GREB1: variants seen among roughly 807,000 people sequenced by gnomAD.
The protein encoded by GREB1 is growth regulating estrogen receptor binding 1.
A neutral mutation model predicts 200.7 loss-of-function variants in GREB1; 106 were observed. The ratio of observed to expected loss-of-function variants is 0.53; its 90% confidence interval spans 0.45 to 0.62. GREB1 has a LOEUF of 0.62. GREB1 is among the 20% of genes least tolerant of loss of function. The pLI is 0.00. For synonymous variants in GREB1, 1,132 were observed against 1,092.4 expected, an observed-to-expected ratio of 1.04 and a Z score of -0.72; for missense variants, 2,243 against 2,556.8, an observed-to-expected ratio of 0.88 and a Z score of 2.65.
chr2:11,607,260 AT>A (rs1327478508), intron 17 of GREB1, among the ~76,000 whole-genome samples: 3 of 148,462 alleles, frequency 2.0e-5, no homozygotes, highest in Non-Finnish European at 4.5e-5. Context: ...ATTTTTAAAA[AT>A]TTTTCTTGCT....
chr2:11,511,299 G>A (rs1037232590), intron 1 of GREB1, among the ~76,000 whole-genome samples: 25 of 152,168 alleles, frequency 1.6e-4, no homozygotes, highest in Non-Finnish European at 5.9e-5. Context: ...TATGGCTGGA[G>A]AGCTGGGGCC....
chr2:11,626,870 C>A, intron 24 of GREB1, 92 bp from the exon 25 acceptor site: 1 of 1,316,064 alleles, frequency 7.6e-7, no homozygotes, highest in Non-Finnish European at 1.1e-6. Flanking sequence ...GTTGTCTGGT[C>A]ATTTGAGCAT....
In GREB1 at chr2:11,566,568, C is replaced by G. The variant is rs146087617; in HGVS notation, c.366C>G (p.Val122=). 1.5e-4 allele frequency: 242 copies of G among 1,614,130 alleles called. No homozygotes were observed. The East Asian group carries it at 5.1e-3, about 34-fold the overall frequency. ...DVPAGFLLVG[V]KSPSLPDHLL... The stretch of plus-strand genomic sequence containing the variant: ...CTGCGGGCTTTCTCCTCGTGGGGGT[C>G]AAGTCCCCCAGCCTGCCGGACCATC... The change falls in exon 4 of 33, where the codon GTC becomes GTG. Residue 122 remains valine (V), a synonymous_variant. Transcript: ENST00000381486.
rs59611075 is a variant in GREB1, at chr2:11,513,685, T to TA, written c.-159+31315dup. ...TAATTGATGGTTTTCGGTCTTGCTT[T>TA]AAAAAAAAAAAGAACTGTGGCTTCC... is the stretch of plus-strand genomic sequence containing the variant. On this transcript the variant is annotated intron_variant, in intron 1 of 2. Transcript: ENST00000628795. 2.8e-3 allele frequency among the ~76,000 whole-genome samples: 417 copies of TA among 147,350 alleles called. 1 individual carries two copies. Among genetic ancestry groups the TA allele is most frequent in the African/African-American group, 9.6e-3 (391 of 40,574 alleles).
At chr2:11,516,311 G>GGTGTGTGTGTGTGT (rs60141733) in intron 1 of GREB1, among the ~76,000 whole-genome samples, 110 of 143,958 alleles carry the variant, frequency 7.6e-4, no homozygotes, top group African/African-American at 2.6e-3. Flanking sequence ...TTTTCCTGCA[G>GGTGTGTGTGTGTGT]GTGTGTGTGT....
intron 1 of GREB1, among the ~76,000 whole-genome samples, chr2:11,486,699 C>G (rs1405358288): frequency 6.6e-6 from 1 of 151,990 alleles, no homozygotes. Flanking sequence ...GAAACCCCGT[C>G]TCTACTGAAA....
At position 11,592,934 on chromosome 2, in the gene GREB1, C is replaced by T; in HGVS notation, c.1504C>T (p.Pro502Ser). The T allele has an allele frequency of 6.3e-7, 1 of 1,585,084 alleles. No homozygotes were observed. Among genetic ancestry groups the T allele is most frequent in the South Asian group, 1.1e-5 (1 of 88,080 alleles). The change falls in exon 11 of 33, where the codon CCC becomes TCC. Residue 502 changes from proline (P) to serine (S), a missense_variant. By Grantham distance (74) the Pro-to-Ser change is moderately conservative. Coordinates refer to ENST00000381486, the MANE Select transcript of GREB1 (RefSeq NM_014668.4). ...AAAPVTSAQL[P>S]WLASLAASSC... is the part of the protein sequence containing the mutation. ...GGCACCCGTGACCTCCGCGCAGCTG[C>T]CCTGGCTGGCCAGCCTGGCCGCCAG...
chr2:11,586,183 C>T (rs574214997), intron 9 of GREB1, among the ~76,000 whole-genome samples: 3 of 152,212 alleles, frequency 2.0e-5, no homozygotes, highest in Non-Finnish European at 4.4e-5. Flanking sequence ...TTCACTCATT[C>T]TTTCCTTCGT....
chr2:11,590,916 A>T (rs947042703), intron 10 of GREB1, among the ~76,000 whole-genome samples: 1 of 152,096 alleles, frequency 6.6e-6, no homozygotes, highest in African/African-American at 2.4e-5. Context: ...TGTGGCCGGG[A>T]GTTGAGTGGA....
intron 17 of GREB1, among the ~76,000 whole-genome samples, chr2:11,607,503 T>C (rs992966215): frequency 7.2e-6 from 1 of 138,818 alleles, no homozygotes; most frequent in Non-Finnish European, 1.5e-5. Flanking sequence ...CACATATATA[T>C]ACATATATGT....
At position 11,595,133 on chromosome 2, in the gene GREB1, G is replaced by A. The variant is rs1345977379; in HGVS notation, c.1697-118G>A. On this transcript the variant is annotated intron_variant, in intron 11 of 32. Coordinates refer to ENST00000381486, the MANE Select transcript of GREB1 (RefSeq NM_014668.4). Reference sequence around the variant, plus strand: ...GCCTGGGAGGTAGATCCAGCTGTTAGCCACAGATTCCAGATGGGAAATGTC... The same window carrying A: ...GCCTGGGAGGTAGATCCAGCTGTTAACCACAGATTCCAGATGGGAAATGTC... 3 of 894,886 alleles carry A rather than the reference G, an allele frequency of 3.4e-6. No individual in the cohort carries two copies. The Middle Eastern group carries it at 6.9e-4, about 206-fold the overall frequency. The allele number at this position is 894,886 out of a possible 1,614,324, so 55.4% of individuals were successfully genotyped here.
intron 10 of GREB1, chr2:11,591,813 T>C: frequency 4.5e-6 from 1 of 221,052 alleles, no homozygotes; most frequent in East Asian, 1.4e-4. Context: ...TAAACGGTGG[T>C]GCTCACGTAT....
At position 11,595,391 on chromosome 2, in the gene GREB1, G is replaced by T. The variant is rs747232063; in HGVS notation, c.1825+12G>T. On this transcript the variant is annotated intron_variant, in intron 12 of 32. Transcript: ENST00000381486. ...CACCCTCTGTCCAGGTAGGCTTGTC[G>T]TGAGACAGGTGCACATGCGTATGTT... 3.1e-6 allele frequency: 5 copies of T among 1,611,326 alleles called. No individual in the cohort carries two copies. The highest frequency in any genetic ancestry group is 1.7e-5 in the Admixed American group (1 of 59,922).
intron 1 of GREB1, among the ~76,000 whole-genome samples, chr2:11,527,875 A>G (rs1450291672): frequency 6.6e-6 from 1 of 152,194 alleles, no homozygotes; most frequent in Non-Finnish European, 1.5e-5. Context: ...AGTCCCCCAC[A>G]TTTGTTGTTC....
chr2:11,622,181 A>G (rs974849376), intron 23 of GREB1, among the ~76,000 whole-genome samples: 1 of 152,134 alleles, frequency 6.6e-6, no homozygotes, highest in Non-Finnish European at 1.5e-5. Flanking sequence ...CCCAGATTCA[A>G]GTGATTCTCT....
chr2:11,484,936 C>T (rs1352119438), intron 1 of GREB1, among the ~76,000 whole-genome samples: 5 of 152,156 alleles, frequency 3.3e-5, no homozygotes, highest in Admixed American at 6.5e-5. Flanking sequence ...AGCTCCGCCT[C>T]CCGGGTTCAC....
rs1001676545 is a variant in GREB1, at chr2:11,505,284, G to A, written c.-159+22903G>A. On this transcript the variant is annotated intron_variant, in intron 1 of 2. Coordinates refer to the GREB1 transcript ENST00000628795. ...ACTGCGGCGAGGGGAGTGTAAGTCA[G>A]TTTCCCAGCCTGCACTTGATCATGC... Among the ~76,000 whole-genome samples, 3 of 152,124 alleles carry A rather than the reference G, an allele frequency of 2.0e-5. No individual in the cohort carries two copies. The East Asian group carries it at 5.8e-4, about 29-fold the overall frequency.
chr2:11,603,822 C>T (rs866603663), intron 17 of GREB1, among the ~76,000 whole-genome samples: 2 of 152,360 alleles, frequency 1.3e-5, no homozygotes, highest in Middle Eastern at 6.8e-3. Flanking sequence ...ATGTTGTAGA[C>T]ACTGGGCTCA....
At position 11,632,917 on chromosome 2, in the gene GREB1, G is replaced by A; in HGVS notation, c.4845G>A (p.Leu1615=). 1 of 1,614,122 alleles carries A rather than the reference G, an allele frequency of 6.2e-7. No homozygotes were observed. The highest frequency in any genetic ancestry group is 8.5e-7 in the Non-Finnish European group (1 of 1,180,006). ...CTGCTCATTTCCTCATCAAGGAGCT[G>A]TCCTACCATAACCTGGAGCTCGAGC... ...VGAAHFLIKE[L]SYHNLELERN... Residue 1615 remains leucine (L), a synonymous_variant, in exon 28 of 33, where the codon CTG becomes CTA. Transcript: ENST00000381486.
Sources: allele counts gnomAD v4.1 joint callset (sites outside exome capture counted in the v4.1 genomes callset), GRCh38; gene constraint gnomAD v4.1.1; transcripts MANE v1.5; gene names NCBI Gene and HGNC (gene_info 2026-07-23, HGNC 2026-07-21).